Variants in TPRG1 observed in about 807,000 individuals in gnomAD.
The protein encoded by TPRG1 is tumor protein p63 regulated 1, also known as tumor protein p63-regulated gene 1 protein.
TPRG1 carries 29 observed loss-of-function variants against 29.3 expected under a neutral mutation model. The observed-to-expected ratio is 0.99, with a 90% confidence interval of 0.74 to 1.35. TPRG1 has a LOEUF of 1.35. Ranked by LOEUF, TPRG1 falls within the 40% of genes most tolerant of loss-of-function variation. The pLI, the probability that TPRG1 is intolerant of heterozygous loss-of-function variation, is 0.00. For synonymous variants in TPRG1, 130 were observed against 116.8 expected (o/e 1.11, Z -0.73); for missense variants, 327 against 335.0 (o/e 0.98, Z 0.19).
At chr3:189,103,815 A>C (rs779689066) in intron 1 of TPRG1, among the ~76,000 whole-genome samples, 2 of 152,098 alleles carry the variant, frequency 1.3e-5, no homozygotes, top group African/African-American at 2.4e-5. Flanking sequence ...GTTTCTCATC[A>C]TGTCAGCTTC....
chr3:189,020,028 T>C (rs1713205596), intron 3 of TPRG1, among the ~76,000 whole-genome samples: 2 of 151,936 alleles, frequency 1.3e-5, no homozygotes, highest in Admixed American at 1.3e-4. Context: ...GTAGAGGTGT[T>C]TGTAGTATTC....
At chr3:189,220,939 T>G (rs1162692381) in intron 3 of TPRG1, among the ~76,000 whole-genome samples, 1 of 152,174 alleles carries the variant, frequency 6.6e-6, no homozygotes, top group Non-Finnish European at 1.5e-5. Flanking sequence ...CTTCTCTCAG[T>G]TTTTTCCTTT....
intron 4 of TPRG1, among the ~76,000 whole-genome samples, chr3:189,252,056 G>T (rs1742359775): frequency 6.6e-6 from 1 of 152,158 alleles, no homozygotes; most frequent in Non-Finnish European, 1.5e-5. Flanking sequence ...CAGTGTTTGT[G>T]TCCCTGGGTA....
At chr3:189,219,662 A>G (rs907498611) in intron 3 of TPRG1, 4 of 1,285,904 alleles carry the variant, frequency 3.1e-6, no homozygotes, top group Non-Finnish European at 4.0e-6. Context: ...GCTCTTCAGC[A>G]GAATGTACTT....
chr3:189,312,089 CTTTCTTTG>C (rs1288853938), intron 5 of TPRG1, among the ~76,000 whole-genome samples: 16 of 97,822 alleles, frequency 1.6e-4, no homozygotes, highest in Non-Finnish European at 2.2e-4. Flanking sequence ...ATGTTTCTTT[CTTTCTTTG>C]TTTCTTTGTT....
At chr3:189,254,359 T>C (rs1742732648) in intron 4 of TPRG1, among the ~76,000 whole-genome samples, 1 of 152,214 alleles carries the variant, frequency 6.6e-6, no homozygotes, top group African/African-American at 2.4e-5. Flanking sequence ...CTGAGGTCTC[T>C]GTTCTGTTTC....
At chr3:189,137,160 G>A (rs1428110655) in intron 3 of TPRG1, among the ~76,000 whole-genome samples, 1 of 152,120 alleles carries the variant, frequency 6.6e-6, no homozygotes, top group African/African-American at 2.4e-5. Context: ...TGCAATCATT[G>A]GGAAATCCCT....
intron 5 of TPRG1, among the ~76,000 whole-genome samples, chr3:189,159,868 G>GTGTGTGTGTGTGTGTGTGTGT (rs141895328): frequency 1.9e-4 from 28 of 146,690 alleles, no homozygotes; most frequent in Non-Finnish European, 3.5e-4. Context: ...GTGTGTGTGT[G>GTGTGTGTGTGTGTGTGTGTGT]GTGGTGGGGG....
At chr3:189,189,389 G>T (rs1288820978) in intron 1 of TPRG1, among the ~76,000 whole-genome samples, 1 of 151,744 alleles carries the variant, frequency 6.6e-6, no homozygotes, top group Non-Finnish European at 1.5e-5. Flanking sequence ...TTGTCAATTG[G>T]TTATATAATA....
intron 3 of TPRG1, among the ~76,000 whole-genome samples, chr3:189,224,518 G>A (rs887098625): frequency 9.2e-5 from 14 of 152,034 alleles, no homozygotes; most frequent in African/African-American, 3.1e-4. Flanking sequence ...AAACATTCAT[G>A]GAAAAGAGAA....
chr3:189,273,637 C>CA, intron 4 of TPRG1, among the ~76,000 whole-genome samples: 1 of 152,162 alleles, frequency 6.6e-6, no homozygotes, highest in Non-Finnish European at 1.5e-5. Flanking sequence ...TTGGAATTTC[C>CA]AAAAAAGCAG....
At chr3:189,002,285 T>C (rs1712065161) in intron 2 of TPRG1, among the ~76,000 whole-genome samples, 1 of 149,916 alleles carries the variant, frequency 6.7e-6, no homozygotes, top group Non-Finnish European at 1.5e-5. Flanking sequence ...GCCAACATTC[T>C]CTTTTTTTTT....
At chr3:189,186,323 C>T (rs564074384) in intron 1 of TPRG1, among the ~76,000 whole-genome samples, 98 of 152,270 alleles carry the variant, frequency 6.4e-4, no homozygotes, top group Non-Finnish European at 1.1e-3. Flanking sequence ...GCCCAGGGTA[C>T]GAAGGCTGGT....
intron 4 of TPRG1, among the ~76,000 whole-genome samples, chr3:189,264,003 C>A (rs1020954744): frequency 8.5e-5 from 13 of 152,128 alleles, no homozygotes; most frequent in African/African-American, 2.9e-4. Context: ...ATAGCTTCTA[C>A]CCTTTTAATT....
Position 189,214,982 on chromosome 3 carries a change from A to G in TPRG1, c.211-310A>G, listed in dbSNP as rs186402251. ...AATTTAAAAATGTACAGATTCCTAA[A>G]GGCTTTGAACTTTATAATGCTTGTT... On this transcript the variant is annotated intron_variant, in intron 2 of 5. Coordinates refer to ENST00000345063, the MANE Select transcript of TPRG1 (RefSeq NM_198485.4). Among the ~76,000 whole-genome samples the G allele has an allele frequency of 6.7e-4, 92 of 137,350 alleles. 2 individuals carry two copies. The highest frequency in any genetic ancestry group is 3.9e-3 in the Middle Eastern group (1 of 254). The allele number at this position is 137,350 out of a possible 152,430, so 90.1% of individuals were successfully genotyped here.
At chr3:189,001,712 A>G (rs1392638545) in intron 2 of TPRG1, among the ~76,000 whole-genome samples, 1 of 152,146 alleles carries the variant, frequency 6.6e-6, no homozygotes. Flanking sequence ...GATGAGCTCC[A>G]TGACTCACTT....
At chr3:189,243,470 C>T (rs1257916567) in intron 4 of TPRG1, among the ~76,000 whole-genome samples, 2 of 152,178 alleles carry the variant, frequency 1.3e-5, no homozygotes, top group Non-Finnish European at 2.9e-5. Context: ...CCCTATTGTC[C>T]TGGCTATGAG....
chr3:189,022,949 G>A (rs573669471), intron 3 of TPRG1, among the ~76,000 whole-genome samples: 21 of 152,342 alleles, frequency 1.4e-4, no homozygotes, highest in African/African-American at 2.4e-4. Flanking sequence ...TTTTAAGCCC[G>A]TCGGAAAAGC....
At chr3:189,031,902 G>T (rs763044570) in intron 4 of TPRG1, among the ~76,000 whole-genome samples, 17 of 152,094 alleles carry the variant, frequency 1.1e-4, no homozygotes, top group East Asian at 9.6e-4. Context: ...ATAATAATAA[G>T]AAGAAGCTAA....
Sources: gnomAD v4.1 joint callset for allele counts (sites outside exome capture counted in the v4.1 genomes callset) on GRCh38, gnomAD v4.1.1 for gene constraint, MANE v1.5 for transcripts, NCBI Gene and HGNC (gene_info 2026-07-23, HGNC 2026-07-21) for gene names.